The following TESK2 variants were observed in gnomAD, a reference collection of about 807,000 sequenced individuals.
The protein encoded by TESK2 is dual specificity testis-specific protein kinase 2.
In TESK2, 39 loss-of-function variants were observed where a neutral mutation model predicts 57.1. The ratio of observed to expected loss-of-function variants is 0.68; its 90% CI spans 0.53 to 0.89. The LOEUF (loss-of-function observed/expected upper bound fraction) is 0.89, where lower values mean the gene tolerates loss of function less well. TESK2 is among the 40% of genes least tolerant of loss of function. The pLI, the probability that TESK2 is intolerant of heterozygous loss-of-function variation, is 0.00. For missense variants in TESK2, 646 were observed against 732.1 expected, an observed-to-expected ratio of 0.88 and a Z score of 1.36; for synonymous variants, 249 against 267.9, an observed-to-expected ratio of 0.93 and a Z score of 0.69.
intron 2 of TESK2, among the ~76,000 whole-genome samples, chr1:45,423,543 C>A (rs1235653103): frequency 7.6e-6 from 1 of 131,138 alleles, no homozygotes. Flanking sequence ...GGTGACAGAG[C>A]GAGATTCCGT....
intron 2 of TESK2, among the ~76,000 whole-genome samples, chr1:45,444,176 T>TA (rs34789802): frequency 0.25 from 33,119 of 131,360 alleles, 4,014 homozygotes; most frequent in East Asian, 0.36. Context: ...GAGACTCTAT[T>TA]AAAAAAAAAA....
chr1:45,347,986 CT>C lies in TESK2; in HGVS notation c.554del (p.Lys185ArgfsTer11). 1 of 1,612,886 alleles carries C rather than the reference CT, an allele frequency of 6.2e-7. No individual in the cohort carries two copies. Among genetic ancestry groups the C allele is most frequent in the Non-Finnish European group, 8.5e-7 (1 of 1,178,826 alleles). On this transcript the variant is annotated frameshift_variant, in exon 6 of 11. Coordinates refer to ENST00000372086, the MANE Select transcript of TESK2 (RefSeq NM_007170.3). LOFTEE classifies it high-confidence loss of function. The stretch of plus-strand genomic sequence containing the variant: ...CTGCAGAGTAACCATTCTCATCCCT[CT>C]TTATCAGGCAGTTCTAGGGTTCCCA... ...RDLTSKNCLI[K>X]RDENGYSAVV...
At chr1:45,429,415 A>AT (rs937114819) in intron 2 of TESK2, among the ~76,000 whole-genome samples, 1 of 150,944 alleles carries the variant, frequency 6.6e-6, no homozygotes, top group South Asian at 2.1e-4. Flanking sequence ...TTAAAAAAAA[A>AT]TTTTTTTTTT....
intron 2 of TESK2, among the ~76,000 whole-genome samples, chr1:45,446,953 C>T (rs2149295932): frequency 6.6e-6 from 1 of 152,334 alleles, no homozygotes; most frequent in African/African-American, 2.4e-5. Flanking sequence ...TACAGTTGTT[C>T]ACACCTATAA....
intron 2 of TESK2, among the ~76,000 whole-genome samples, chr1:45,454,204 G>A (rs1364479733): frequency 2.6e-5 from 4 of 152,170 alleles, no homozygotes; most frequent in African/African-American, 9.6e-5. Context: ...GATATCTAGG[G>A]TAGTCAAACT....
intron 2 of TESK2, among the ~76,000 whole-genome samples, chr1:45,437,816 C>T (rs10493120): frequency 0.2 from 30,948 of 152,084 alleles, 3,456 homozygotes; most frequent in Non-Finnish European, 0.26. Context: ...ACTCTGACTA[C>T]CTGGAACAGT....
intron 3 of TESK2, among the ~76,000 whole-genome samples, chr1:45,416,072 CTTT>C (rs34785518): frequency 3.4e-5 from 2 of 59,304 alleles, no homozygotes; most frequent in Non-Finnish European, 5.4e-5. Flanking sequence ...AATCTAGAGC[CTTT>C]TTTTTTTTTT....
intron 3 of TESK2, among the ~76,000 whole-genome samples, chr1:45,396,899 A>G (rs1570687567): frequency 1.4e-5 from 2 of 141,728 alleles, no homozygotes; most frequent in African/African-American, 5.4e-5. Flanking sequence ...GCTCACTGCA[A>G]CCTCCACCTC....
chr1:45,368,272 G>A (rs1254928579), intron 4 of TESK2, among the ~76,000 whole-genome samples: 2 of 152,138 alleles, frequency 1.3e-5, no homozygotes, highest in Non-Finnish European at 2.9e-5. Flanking sequence ...TGGGATTACA[G>A]GTGTGAGCCA....
chr1:45,398,908 G>A (rs1259162489), intron 3 of TESK2: 2 of 422,034 alleles, frequency 4.7e-6, no homozygotes, highest in Non-Finnish European at 9.2e-6. Context: ...ATCCAGTGGA[G>A]GAACCTGAGG....
chr1:45,435,321 G>C (rs569629288), intron 2 of TESK2, among the ~76,000 whole-genome samples: 1 of 151,976 alleles, frequency 6.6e-6, no homozygotes, highest in Admixed American at 6.5e-5. Context: ...CAGAGACAGG[G>C]TTTCACCACG....
chr1:45,483,830 T>A lies in TESK2; in HGVS notation c.-87+7022A>T, dbSNP rs552597716. 1.8e-4 allele frequency among the ~76,000 whole-genome samples: 27 copies of A among 146,456 alleles called. No homozygotes were observed. In the South Asian group the frequency reaches 5.8e-3, roughly 32 times the overall value. ...CTAGGCAACATAGGGAGGCCCTGTC[T>A]CTACAAAAAAAAAAAAATTAGCCAG... On this transcript the variant is annotated intron_variant, in intron 1 of 10. Coordinates refer to ENST00000372086, the MANE Select transcript of TESK2 (RefSeq NM_007170.3).
chr1:45,349,576 AG>A lies in TESK2; in HGVS notation c.541-1577del, dbSNP rs370207897. On this transcript the variant is annotated intron_variant, in intron 5 of 10. Coordinates refer to ENST00000372086, the MANE Select transcript of TESK2 (RefSeq NM_007170.3). ...CCCTGCCTACACTAAGCAGTAAGAG[AG>A]GACCAGTCAGATTTCCCTGAGGCAA... is the stretch of plus-strand genomic sequence containing the variant. Among the ~76,000 whole-genome samples, 83 of 152,318 alleles carry A rather than the reference AG, an allele frequency of 5.4e-4. 1 individual carries two copies. The East Asian group carries it at 0.012, about 22-fold the overall frequency.
At chr1:45,357,594 C>T (rs938364295) in intron 4 of TESK2, among the ~76,000 whole-genome samples, 1 of 150,966 alleles carries the variant, frequency 6.6e-6, no homozygotes, top group Non-Finnish European at 1.5e-5. Context: ...GTGAATAAGG[C>T]TGGGCACGGT....
chr1:45,347,056 C>A lies in TESK2; in HGVS notation c.715G>T (p.Val239Leu), dbSNP rs759720435. The change falls in exon 8 of 11, where the codon GTG (valine) becomes TTG (leucine). Residue 239 changes from valine to leucine, a missense_variant. Val to Leu is a conservative substitution (Grantham distance 32). Coordinates refer to ENST00000372086, the MANE Select transcript of TESK2 (RefSeq NM_007170.3). ...RDEPYNEKAD[V>L]FSYGIILCEI... Reference sequence around the variant, plus strand: ...CAGAGGATGATACCATAAGAGAACACATCTGCCTGGTGGGTAGTCGGACTT... The same window carrying A: ...CAGAGGATGATACCATAAGAGAACAAATCTGCCTGGTGGGTAGTCGGACTT... 1 of 1,614,206 alleles carries A rather than the reference C, an allele frequency of 6.2e-7. No homozygotes were observed. The highest frequency in any genetic ancestry group is 1.1e-5 in the South Asian group (1 of 91,084).
chr1:45,485,019 A>C (rs1653400467), intron 1 of TESK2, among the ~76,000 whole-genome samples: 1 of 151,698 alleles, frequency 6.6e-6, no homozygotes, highest in African/African-American at 2.4e-5. Context: ...CAACAGAGCG[A>C]GACTCCGTCT....
At chr1:45,406,648 TCTGTC>T in intron 3 of TESK2, among the ~76,000 whole-genome samples, 1 of 151,908 alleles carries the variant, frequency 6.6e-6, no homozygotes, top group Non-Finnish European at 1.5e-5. Flanking sequence ...AGAGCAAGGC[TCTGTC>T]TAAAAATAAA....
intron 2 of TESK2, among the ~76,000 whole-genome samples, chr1:45,436,799 C>CTTTT (rs35797939): frequency 4.1e-5 from 5 of 123,118 alleles, no homozygotes; most frequent in Middle Eastern, 4.5e-3. Context: ...ACATTAGTAT[C>CTTTT]TTTTTTTTTT....
At chr1:45,401,603 T>C (rs1649598647) in intron 3 of TESK2, among the ~76,000 whole-genome samples, 1 of 152,002 alleles carries the variant, frequency 6.6e-6, no homozygotes, top group Non-Finnish European at 1.5e-5. Flanking sequence ...TTTATAAATA[T>C]ATTACCTGAG....
Sources: gnomAD v4.1 joint callset for allele counts (sites outside exome capture counted in the v4.1 genomes callset) on GRCh38, gnomAD v4.1.1 for gene constraint, MANE v1.5 for transcripts, NCBI Gene and HGNC (gene_info 2026-07-23, HGNC 2026-07-21) for gene names.